The following PRKN variants were observed in gnomAD, a reference collection of about 807,000 sequenced individuals.
PRKN encodes parkin RBR E3 ubiquitin protein ligase.
Under a neutral mutation model 59.5 loss-of-function variants are expected in PRKN, and 56 were observed. That is an observed-to-expected ratio of 0.94 (90% CI 0.76 to 1.18). PRKN has a LOEUF of 1.18. PRKN is among the 50% of genes most tolerant of loss of function. The probability of loss-of-function intolerance (pLI) is 0.00; values close to 1 mark genes in which losing one functional copy is unlikely to be tolerated. For synonymous variants in PRKN, 250 were observed against 222.1 expected, an observed-to-expected ratio of 1.13 and a Z score of -1.12; for missense variants, 657 against 596.4, an observed-to-expected ratio of 1.10 and a Z score of -1.06.
rs200312948 is a variant in PRKN, at chr6:162,458,916, G to A, written c.8-15443C>T. Among the ~76,000 whole-genome samples, 80 of 152,182 alleles carry A rather than the reference G, an allele frequency of 5.3e-4. No individual in the cohort carries two copies. The East Asian group carries it at 0.015, about 28-fold the overall frequency. ...ACTGCATGCAACCTCTGCCTCCCAG[G>A]CTCAAGGGATTCTCCTGCCCCAGCC... On this transcript the variant is annotated intron_variant, in intron 1 of 11. Coordinates refer to ENST00000366898, the MANE Select transcript of PRKN (RefSeq NM_004562.3).
At chr6:161,757,883 A>ATC (rs1789010372) in intron 7 of PRKN, among the ~76,000 whole-genome samples, 1 of 33,120 alleles carries the variant, frequency 3.0e-5, no homozygotes, top group African/African-American at 1.1e-4. Flanking sequence ...GTGTATATAT[A>ATC]TATACACACA....
intron 2 of PRKN, among the ~76,000 whole-genome samples, chr6:162,356,224 G>A (rs1200001185): frequency 6.6e-6 from 1 of 152,250 alleles, no homozygotes; most frequent in Middle Eastern, 3.4e-3. Context: ...ACTACGTAAT[G>A]TAGAAAGCAG....
chr6:161,876,609 G>A (rs1202114410), intron 6 of PRKN, among the ~76,000 whole-genome samples: 2 of 152,110 alleles, frequency 1.3e-5, no homozygotes, highest in African/African-American at 4.8e-5. Flanking sequence ...CACCATGCCC[G>A]GCTTTATTTT....
At chr6:161,394,908 T>C (rs1023419458) in intron 9 of PRKN, among the ~76,000 whole-genome samples, 2 of 152,222 alleles carry the variant, frequency 1.3e-5, no homozygotes, top group South Asian at 4.1e-4. Flanking sequence ...ATTTTTACCA[T>C]AACTTAAAGG....
intron 10 of PRKN, among the ~76,000 whole-genome samples, chr6:161,370,426 A>G (rs969026350): frequency 2.1e-5 from 1 of 47,508 alleles, no homozygotes; most frequent in Non-Finnish European, 3.9e-5. Flanking sequence ...TCAAAATACA[A>G]AAAAAAAAAA....
At chr6:161,940,722 GTGAC>G (rs1487428697) in intron 6 of PRKN, among the ~76,000 whole-genome samples, 2 of 152,212 alleles carry the variant, frequency 1.3e-5, no homozygotes, top group African/African-American at 2.4e-5. Flanking sequence ...GAGCCGGAAA[GTGAC>G]TGTTCAGAAA....
chr6:162,260,639 A>C (rs1016491090), intron 3 of PRKN, among the ~76,000 whole-genome samples: 14 of 152,194 alleles, frequency 9.2e-5, no homozygotes, highest in South Asian at 4.1e-4. Context: ...CAAAATAAGA[A>C]GACTAAAATT....
In PRKN at chr6:161,815,419, A is replaced by C. The variant is rs1791733805; in HGVS notation, c.735-29511T>G. Reference sequence around the variant, plus strand: ...GTGGGCTGATTATAGGTTACTTAGCAGGGGACTTTTTGTTCCTGGTGGTTA... The same window carrying C: ...GTGGGCTGATTATAGGTTACTTAGCCGGGGACTTTTTGTTCCTGGTGGTTA... On this transcript the variant is annotated intron_variant, in intron 6 of 11. Coordinates refer to ENST00000366898, the MANE Select transcript of PRKN (RefSeq NM_004562.3). Among the ~76,000 whole-genome samples the C allele has an allele frequency of 3.9e-5, 6 of 152,336 alleles. No homozygotes were observed. In the South Asian group the frequency reaches 1.2e-3, roughly 32 times the overall value.
chr6:162,166,176 T>C (rs1477088529), intron 4 of PRKN, among the ~76,000 whole-genome samples: 3 of 151,968 alleles, frequency 2.0e-5, no homozygotes, highest in Non-Finnish European at 4.4e-5. Flanking sequence ...GGCCCAGGTG[T>C]CCCTCTACAG....
At chr6:161,848,922 G>C (rs1364110887) in intron 6 of PRKN, among the ~76,000 whole-genome samples, 1 of 152,210 alleles carries the variant, frequency 6.6e-6, no homozygotes, top group Non-Finnish European at 1.5e-5. Context: ...CCAGGAGCCT[G>C]CTTTTCTGGT....
chr6:162,231,073 A>G (rs964843663), intron 3 of PRKN, among the ~76,000 whole-genome samples: 1 of 152,126 alleles, frequency 6.6e-6, no homozygotes, highest in Non-Finnish European at 1.5e-5. Flanking sequence ...TTAAGAGGAA[A>G]TTCGCTCCTC....
intron 5 of PRKN, among the ~76,000 whole-genome samples, chr6:161,985,404 A>C (rs1781399371): frequency 6.6e-6 from 1 of 152,170 alleles, no homozygotes; most frequent in Non-Finnish European, 1.5e-5. Context: ...TTCCTTTTGT[A>C]ATCTCCCACC....
chr6:161,685,201 T>G (rs1161882525), intron 7 of PRKN, among the ~76,000 whole-genome samples: 1 of 152,250 alleles, frequency 6.6e-6, no homozygotes, highest in African/African-American at 2.4e-5. Context: ...CTACTTCATC[T>G]GTTAGTCTGC....
At chr6:162,568,412 G>A (rs1780173379) in intron 1 of PRKN, 1 of 556,380 alleles carries the variant, frequency 1.8e-6, no homozygotes, top group Non-Finnish European at 3.3e-6. Context: ...GTCCTATAAG[G>A]TGTCCACCTC....
At chr6:162,577,413 G>GCCA (rs1780604867) in intron 1 of PRKN, among the ~76,000 whole-genome samples, 2 of 151,088 alleles carry the variant, frequency 1.3e-5, no homozygotes, top group South Asian at 4.2e-4. Flanking sequence ...CAGCCTGGCC[G>GCCA]ACATGGTGAA....
At chr6:162,681,664 T>C (rs905392676) in intron 1 of PRKN, among the ~76,000 whole-genome samples, 1 of 152,068 alleles carries the variant, frequency 6.6e-6, no homozygotes, top group Non-Finnish European at 1.5e-5. Flanking sequence ...TAGCCTCTGA[T>C]TGATTGCATA....
chr6:162,093,038 G>A (rs950492521), intron 4 of PRKN, among the ~76,000 whole-genome samples: 1 of 152,160 alleles, frequency 6.6e-6, no homozygotes, highest in Non-Finnish European at 1.5e-5. Context: ...GAACCAAAAG[G>A]TTTTCAGGCT....
chr6:162,276,494 AT>A (rs990838417), intron 2 of PRKN, among the ~76,000 whole-genome samples: 7 of 152,016 alleles, frequency 4.6e-5, no homozygotes, highest in African/African-American at 1.7e-4. Context: ...TTTTGACTTT[AT>A]TTTTTATTCT....
At chr6:162,351,238 G>T (rs1461065943) in intron 2 of PRKN, among the ~76,000 whole-genome samples, 1 of 151,992 alleles carries the variant, frequency 6.6e-6, no homozygotes, top group Non-Finnish European at 1.5e-5. Flanking sequence ...AGTGGAAAAT[G>T]AAGAAAACAA....
Sources: gnomAD v4.1 joint callset for allele counts (sites outside exome capture counted in the v4.1 genomes callset) on GRCh38, gnomAD v4.1.1 for gene constraint, MANE v1.5 for transcripts, NCBI Gene and HGNC (gene_info 2026-07-23, HGNC 2026-07-21) for gene names.